The following SPATA6L variants were observed in gnomAD, a reference collection of about 807,000 sequenced individuals.
SPATA6L encodes spermatogenesis associated 6 like.
SPATA6L carries 68 observed loss-of-function variants against 49.2 expected under a neutral mutation model. The observed-to-expected ratio is 1.38, with a 90% confidence interval of 1.14 to 1.69. The LOEUF is 1.69. SPATA6L is among the 40% of genes most tolerant of loss of function. The pLI is 0.00. For missense variants in SPATA6L, 668 were observed against 464.3 expected, an observed-to-expected ratio of 1.44 and a Z score of -4.03; for synonymous variants, 198 against 165.7, an observed-to-expected ratio of 1.19 and a Z score of -1.50.
At chr9:4,644,672 C>A (rs565473283) in intron 3 of SPATA6L, among the ~76,000 whole-genome samples, 177 of 130,750 alleles carry the variant, frequency 1.4e-3, no homozygotes, top group Middle Eastern at 4.0e-3. Context: ...CTCTCTCTCT[C>A]TCTCTCTCTC....
intron 11 of SPATA6L, among the ~76,000 whole-genome samples, chr9:4,603,236 G>A (rs200442068): frequency 3.3e-5 from 5 of 152,068 alleles, no homozygotes; most frequent in Non-Finnish European, 7.4e-5. Flanking sequence ...TTGAGACCAG[G>A]CTGACCAACA....
At chr9:4,644,488 A>T (rs930776194) in intron 3 of SPATA6L, among the ~76,000 whole-genome samples, 4 of 152,146 alleles carry the variant, frequency 2.6e-5, no homozygotes, top group Non-Finnish European at 5.9e-5. Context: ...CTACAGAGAA[A>T]TATCAAGAAA....
At chr9:4,639,141 T>C (rs1021864339) in intron 3 of SPATA6L, among the ~76,000 whole-genome samples, 3 of 152,206 alleles carry the variant, frequency 2.0e-5, no homozygotes, top group Non-Finnish European at 4.4e-5. Flanking sequence ...GCATAGCACC[T>C]GACATTGCCT....
rs753737519 is a variant in SPATA6L at position 4,666,202 on chromosome 9, G to A, written c.39+10C>T. 1 of 1,614,022 alleles carries A rather than the reference G, an allele frequency of 6.2e-7. No homozygotes were observed. Among genetic ancestry groups the A allele is most frequent in the South Asian group, 1.1e-5 (1 of 91,058 alleles). On this transcript the variant is annotated intron_variant, in intron 1 of 11. Coordinates refer to ENST00000682582, the MANE Select transcript of SPATA6L (RefSeq NM_001353486.2). ...TGAGGTTAAGGAGGGGGAGTTCATC[G>A]ATCTCTTACCGCCCGGATCTGCAGC... is the stretch of plus-strand genomic sequence containing the variant.
intron 3 of SPATA6L, among the ~76,000 whole-genome samples, chr9:4,636,773 T>A (rs945617217): frequency 2.6e-5 from 4 of 152,296 alleles, no homozygotes; most frequent in East Asian, 3.9e-4. Flanking sequence ...GAGGAAAGAA[T>A]CAAAGTGCAA....
intron 9 of SPATA6L, 22 bp from the exon 10 acceptor site, chr9:4,605,462 G>T (rs1824542434): frequency 6.4e-7 from 1 of 1,566,940 alleles, no homozygotes; most frequent in East Asian, 2.2e-5. Context: ...ATGGAACAGG[G>T]TGGAATATTA....
rs956810308 is a variant in SPATA6L at position 4,599,025 on chromosome 9, G to T, written c.*1786C>A. On this transcript the variant is annotated 3_prime_UTR_variant, in exon 12 of 12. Transcript: ENST00000682582. ...GGAATATTTACATAAACACAATGAA[G>T]TATCTTCAGGATAGGGGATAGGACC... is the stretch of plus-strand genomic sequence containing the variant. Among the ~76,000 whole-genome samples, 2 of 152,206 alleles carry T rather than the reference G, an allele frequency of 1.3e-5. No homozygotes were observed. The highest frequency in any genetic ancestry group is 4.8e-5 in the African/African-American group (2 of 41,456).
intron 9 of SPATA6L, among the ~76,000 whole-genome samples, chr9:4,606,782 A>G (rs1825321707): frequency 6.7e-6 from 1 of 148,214 alleles, no homozygotes; most frequent in African/African-American, 2.5e-5. Context: ...CAATGGAACA[A>G]AGCTGGACGG....
chr9:4,655,607 G>A (rs1172274591), intron 3 of SPATA6L, among the ~76,000 whole-genome samples: 2 of 151,206 alleles, frequency 1.3e-5, no homozygotes, highest in East Asian at 3.9e-4. Flanking sequence ...GGAGTGCAAT[G>A]GCACGATTTC....
intron 7 of SPATA6L, among the ~76,000 whole-genome samples, chr9:4,621,981 G>A (rs938699908): frequency 6.6e-6 from 1 of 152,216 alleles, no homozygotes; most frequent in South Asian, 2.1e-4. Context: ...TTCCCACCTC[G>A]CTGACATGAA....
intron 9 of SPATA6L, among the ~76,000 whole-genome samples, chr9:4,605,995 T>C (rs576608204): frequency 2.0e-4 from 31 of 152,262 alleles, no homozygotes; most frequent in South Asian, 6.2e-4. Context: ...ATTGCCTCAC[T>C]CGGGAAGCGC....
At chr9:4,665,460 T>C (rs751853970) in intron 1 of SPATA6L, among the ~76,000 whole-genome samples, 2 of 152,226 alleles carry the variant, frequency 1.3e-5, no homozygotes, top group Non-Finnish European at 2.9e-5. Context: ...CACACCCACA[T>C]GTATGATGAA....
Position 4,662,800 on chromosome 9 carries a change from A to C in SPATA6L, c.40-764T>G. 6.2e-7 allele frequency: 1 copy of C among 1,605,252 alleles called. No homozygotes were observed. The highest frequency in any genetic ancestry group is 1.3e-5 in the African/African-American group (1 of 75,034). On this transcript the variant is annotated intron_variant, in intron 1 of 11. Coordinates refer to ENST00000682582, the MANE Select transcript of SPATA6L (RefSeq NM_001353486.2). This position sits in a 1 kb window ranked among gnomAD's most constrained non-coding sequence, Gnocchi z 4.9. Reference sequence around the variant, plus strand: ...ATGAAGCTGCTGGAGATCTCGGGACACGGCATCCCCTGGCTGCTGGGCACC... The same window carrying C: ...ATGAAGCTGCTGGAGATCTCGGGACCCGGCATCCCCTGGCTGCTGGGCACC...
rs906445598 is a variant in SPATA6L, at chr9:4,600,615, G to A, written c.*196C>T. ...TTTCCAGCTTGACAAGAAAATGTTAGCCCCCAAACAGCAAACACTTTAATC... is the reference window on the plus strand; with the variant it reads ...TTTCCAGCTTGACAAGAAAATGTTAACCCCCAAACAGCAAACACTTTAATC... On this transcript the variant is annotated 3_prime_UTR_variant, in exon 12 of 12. Transcript: ENST00000682582. 2 of 152,138 alleles carry A rather than the reference G, an allele frequency of 1.3e-5. No homozygotes were observed. The highest frequency in any genetic ancestry group is 4.8e-5 in the African/African-American group (2 of 41,428). 9.4% of individuals were successfully genotyped at this position (152,138 alleles called of 1,614,324 possible). A position where few individuals can be genotyped will look rare whatever the true frequency, so the allele number is the denominator to read the frequency against.
intron 5 of SPATA6L, 110 bp downstream of exon 5, chr9:4,628,981 T>C: frequency 2.8e-6 from 2 of 710,628 alleles, no homozygotes; most frequent in Non-Finnish European, 4.7e-6. Flanking sequence ...TCCAGGTTTC[T>C]ACTTGTTTAG....
chr9:4,661,017 A>T (rs1196068584), intron 2 of SPATA6L, among the ~76,000 whole-genome samples: 1 of 151,816 alleles, frequency 6.6e-6, no homozygotes. Flanking sequence ...AACATCACAC[A>T]CAGGGGCCTG....
intron 3 of SPATA6L, among the ~76,000 whole-genome samples, chr9:4,644,374 T>TA (rs1834810954): frequency 6.6e-6 from 1 of 150,606 alleles, no homozygotes; most frequent in Non-Finnish European, 1.5e-5. Flanking sequence ...AAATTAAATT[T>TA]AAAAAATTTA....
intron 3 of SPATA6L, among the ~76,000 whole-genome samples, chr9:4,644,322 G>T (rs528698325): frequency 2.0e-5 from 3 of 150,636 alleles, no homozygotes; most frequent in Non-Finnish European, 4.4e-5. Flanking sequence ...CAGTCTGAGT[G>T]ACAGAGTGAG....
intron 13 of SPATA6L, among the ~76,000 whole-genome samples, chr9:4,589,173 T>C (rs1406366446): frequency 6.6e-6 from 1 of 152,224 alleles, no homozygotes; most frequent in East Asian, 1.9e-4. Context: ...GAATAAAAAT[T>C]ATTTCCTCAC....
Sources: allele counts gnomAD v4.1 joint callset (sites outside exome capture counted in the v4.1 genomes callset), GRCh38; gene constraint gnomAD v4.1.1; non-coding constraint Gnocchi (gnomAD v3.1); transcripts MANE v1.5; gene names NCBI Gene and HGNC (gene_info 2026-07-23, HGNC 2026-07-21).